BCAP31: variants seen among roughly 807,000 people sequenced by gnomAD.
BCAP31 encodes B cell receptor associated protein 31.
For missense variants in BCAP31, 124 were observed against 193.0 expected, an observed-to-expected ratio of 0.64 and a Z score of 2.12; for synonymous variants, 75 against 80.9, an observed-to-expected ratio of 0.93 and a Z score of 0.39.
chrX:153,724,258 C>A, intron 1 of BCAP31, 76 bp downstream of exon 1: 1 of 203,320 alleles, frequency 4.9e-6, no homozygotes, highest in Non-Finnish European at 9.1e-6. Context: ...CCGCGCCGCT[C>A]GCCTCTCTCC....
At chrX:153,721,731 T>A (rs1291391918) in intron 2 of BCAP31, among the ~76,000 whole-genome samples, 1 of 106,884 alleles carries the variant, frequency 9.4e-6, no homozygotes, top group Non-Finnish European at 1.9e-5. Flanking sequence ...CTACTAAAAA[T>A]ATATATATAA....
At chrX:153,721,415 G>A (rs1268774893) in intron 2 of BCAP31, among the ~76,000 whole-genome samples, 1 of 94,232 alleles carries the variant, frequency 1.1e-5, no homozygotes, top group Non-Finnish European at 2.1e-5. Flanking sequence ...CAGCCTGGGT[G>A]ACAGAGCGAG....
intron 3 of BCAP31, among the ~76,000 whole-genome samples, chrX:153,719,810 T>C (rs1557050677): frequency 8.9e-6 from 1 of 111,901 alleles, no homozygotes; most frequent in East Asian, 2.8e-4. Flanking sequence ...TATTGATTCT[T>C]GTCTCCAGAT....
At chrX:153,724,028 G>A (rs928901722) in intron 1 of BCAP31, 14 of 345,139 alleles carry the variant, frequency 4.1e-5, no homozygotes, top group Non-Finnish European at 7.7e-5. Flanking sequence ...TAGCCCTCGC[G>A]GGCCCCAGCG....
chrX:153,700,857 G>C lies in BCAP31; in HGVS notation c.*80C>G, dbSNP rs1328903167. On this transcript the variant is annotated 3_prime_UTR_variant, in exon 8 of 8. Transcript: ENST00000345046. ...CAGAAGGGCACAAACAGAAGTACTG[G>C]AGGGAGAGGCCGGGCTCTCAGGAAG... The C allele has an allele frequency of 2.0e-6, 2 of 1,004,585 alleles. No homozygotes were observed. Among genetic ancestry groups the C allele is most frequent in the Middle Eastern group, 3.8e-4 (1 of 2,662 alleles). 82.8% of individuals were successfully genotyped at this position (1,004,585 alleles called of 1,213,427 possible).
At chrX:153,717,462 G>C (rs2091637110) in intron 3 of BCAP31, among the ~76,000 whole-genome samples, 2 of 112,393 alleles carry the variant, frequency 1.8e-5, no homozygotes, top group Admixed American at 9.4e-5. Flanking sequence ...GTGGGTTACA[G>C]GGTCTCACTC....
At chrX:153,720,144 G>A (rs1360505927) in intron 3 of BCAP31, among the ~76,000 whole-genome samples, 3 of 111,641 alleles carry the variant, frequency 2.7e-5, no homozygotes, top group Non-Finnish European at 5.6e-5. Context: ...CCCTGCTCCA[G>A]GCAATTCTGC....
At chrX:153,705,697 A>C (rs1225979585) in intron 4 of BCAP31, among the ~76,000 whole-genome samples, 2 of 112,011 alleles carry the variant, frequency 1.8e-5, no homozygotes, top group Admixed American at 9.4e-5. Context: ...TCTGACTAAG[A>C]CCCAGGCCCC....
intron 6 of BCAP31, 54 bp downstream of exon 6, chrX:153,702,880 CA>C: frequency 8.4e-7 from 1 of 1,194,090 alleles, no homozygotes; most frequent in Admixed American, 2.2e-5. Flanking sequence ...CAGCAGCGGG[CA>C]GAGGAGGCTC....
intron 4 of BCAP31, among the ~76,000 whole-genome samples, chrX:153,714,393 T>C (rs2091612778): frequency 9.0e-6 from 1 of 111,199 alleles, no homozygotes; most frequent in Non-Finnish European, 1.9e-5. Context: ...ATTTAGGGTA[T>C]GTGTCTGACT....
intron 5 of BCAP31, among the ~76,000 whole-genome samples, chrX:153,703,432 C>G (rs2091532983): frequency 8.8e-6 from 1 of 113,082 alleles, no homozygotes; most frequent in Non-Finnish European, 1.9e-5. Context: ...TGGTGCCGCT[C>G]ACTGCAGTTA....
chrX:153,720,875 T>C lies in BCAP31; in HGVS notation c.190A>G (p.Ile64Val). Residue 64 changes from isoleucine (I) to valine (V), a missense_variant, in exon 3 of 8, where the codon ATC becomes GTC. By Grantham distance (29) the Ile-to-Val change is conservative. Coordinates refer to ENST00000345046, the MANE Select transcript of BCAP31 (RefSeq NM_001256447.2). ...VLIVILVLLV[I>V]DAVREIRKYD... ...CCCTCAGCCATAGCTCACTCACCGA[T>C]GACCAACAGCACAAGGATGACAATG... 1.7e-6 allele frequency: 2 copies of C among 1,211,175 alleles called. No homozygotes were observed. The highest frequency in any genetic ancestry group is 1.8e-5 in the South Asian group (1 of 56,922).
intron 3 of BCAP31, among the ~76,000 whole-genome samples, chrX:153,718,353 C>A (rs782398284): frequency 1.9e-5 from 2 of 107,014 alleles, no homozygotes; most frequent in African/African-American, 6.9e-5. Flanking sequence ...GTCTAACGTG[C>A]AGCAGGTAGA....
chrX:153,710,191 C>T (rs2091581440), intron 4 of BCAP31, among the ~76,000 whole-genome samples: 1 of 111,665 alleles, frequency 9.0e-6, no homozygotes, highest in Non-Finnish European at 1.9e-5. Context: ...GTGGGGGAGC[C>T]GCGTCCTGGA....
intron 4 of BCAP31, among the ~76,000 whole-genome samples, chrX:153,707,686 C>T (rs1471108328): frequency 8.9e-5 from 10 of 112,358 alleles, no homozygotes; most frequent in Non-Finnish European, 1.9e-4. Context: ...CATTCACTGC[C>T]GCGACCTGAA....
At chrX:153,702,313 G>A in intron 6 of BCAP31, 1 of 383,480 alleles carries the variant, frequency 2.6e-6, no homozygotes, top group Non-Finnish European at 4.6e-6. Flanking sequence ...TCAAGATAAA[G>A]CAAAAGAAAC....
intron 6 of BCAP31, 103 bp downstream of exon 6, chrX:153,702,832 G>A (rs1238569817): frequency 8.4e-5 from 93 of 1,106,492 alleles, no homozygotes; most frequent in Admixed American, 4.5e-4. Flanking sequence ...TCGAGCGTGC[G>A]TGCAAGGCTT....
chrX:153,702,552 C>T (rs2091525620), intron 6 of BCAP31: 1 of 177,325 alleles, frequency 5.6e-6, no homozygotes, highest in Non-Finnish European at 1.0e-5. Context: ...ACAGGCAGGC[C>T]GCTTGGGAGC....
chrX:153,717,315 C>T (rs1470585351), intron 3 of BCAP31, among the ~76,000 whole-genome samples: 1 of 112,489 alleles, frequency 8.9e-6, no homozygotes, highest in Non-Finnish European at 1.9e-5. Context: ...CACGCCAAAC[C>T]TACTGCTTTT....
Sources: gnomAD v4.1 joint callset for allele counts (sites outside exome capture counted in the v4.1 genomes callset) on GRCh38, gnomAD v4.1.1 for gene constraint, MANE v1.5 for transcripts, NCBI Gene and HGNC (gene_info 2026-07-23, HGNC 2026-07-21) for gene names.